FAM117B: variants seen among roughly 807,000 people sequenced by gnomAD.
FAM117B encodes protein FAM117B.
A neutral mutation model predicts 52.8 loss-of-function variants in FAM117B; 22 were observed. The ratio of observed to expected loss-of-function variants is 0.42; its 90% CI spans 0.30 to 0.59. FAM117B has a LOEUF of 0.59. Ranked by LOEUF, FAM117B falls within the 20% of genes least tolerant of loss-of-function variation. The probability of loss-of-function intolerance (pLI) is 0.22; values close to 1 mark genes in which losing one functional copy is unlikely to be tolerated. For missense variants in FAM117B, 678 were observed against 802.6 expected (o/e 0.84, Z 1.88); for synonymous variants, 309 against 324.1 (o/e 0.95, Z 0.50).
At chr2:202,747,360 C>A (rs1574302460) in intron 4 of FAM117B, among the ~76,000 whole-genome samples, 2 of 152,120 alleles carry the variant, frequency 1.3e-5, no homozygotes, top group East Asian at 3.8e-4. Context: ...CCTCTAAGAA[C>A]TGAAACACGA....
At chr2:202,683,297 C>T (rs762245638) in intron 1 of FAM117B, among the ~76,000 whole-genome samples, 5 of 152,224 alleles carry the variant, frequency 3.3e-5, no homozygotes, top group African/African-American at 4.8e-5. Flanking sequence ...CCACTACACT[C>T]CAGCTTGGGC....
At chr2:202,686,577 C>G (rs1303350672) in intron 1 of FAM117B, among the ~76,000 whole-genome samples, 1 of 152,074 alleles carries the variant, frequency 6.6e-6, no homozygotes, top group Admixed American at 6.6e-5. Context: ...TTTGAGAAGC[C>G]GAGGCGGATC....
chr2:202,638,798 C>T (rs1020678523), intron 1 of FAM117B, among the ~76,000 whole-genome samples: 5 of 152,070 alleles, frequency 3.3e-5, no homozygotes, highest in African/African-American at 4.8e-5. Flanking sequence ...AAAATAAAAA[C>T]TCTTATTTTT....
At chr2:202,649,542 A>G (rs1689925320) in intron 1 of FAM117B, among the ~76,000 whole-genome samples, 1 of 151,858 alleles carries the variant, frequency 6.6e-6, no homozygotes, top group Non-Finnish European at 1.5e-5. Flanking sequence ...TTTGTTATTT[A>G]TTTATTTATT....
At chr2:202,733,002 G>A (rs919861667) in intron 4 of FAM117B, among the ~76,000 whole-genome samples, 20 of 152,026 alleles carry the variant, frequency 1.3e-4, no homozygotes, top group Admixed American at 1.2e-3. Context: ...ATATTTCAAC[G>A]TAGGTTCTAT....
chr2:202,764,464 C>G lies in FAM117B; in HGVS notation c.1452-982C>G, dbSNP rs140634430. Among the ~76,000 whole-genome samples, 970 of 151,864 alleles carry G rather than the reference C, an allele frequency of 6.4e-3. 5 individuals are homozygous for G. The highest frequency in any genetic ancestry group is 9.7e-3 in the Non-Finnish European group (660 of 67,964). ...TTTAAGGTTTTTATAAAGACGAGGT[C>G]TCACTATGTTGCCCAGGCTGGTCTG... On this transcript the variant is annotated intron_variant, in intron 7 of 7. Coordinates refer to ENST00000392238, the MANE Select transcript of FAM117B (RefSeq NM_173511.4).
intron 4 of FAM117B, among the ~76,000 whole-genome samples, chr2:202,731,332 A>AATATATATATATATATATATATATAT (rs35255766): frequency 9.8e-5 from 3 of 30,768 alleles, no homozygotes; most frequent in Non-Finnish European, 2.1e-4. Context: ...GAGAAATTGG[A>AATATATATATATATATATATATATAT]ATATATATAT....
chr2:202,694,336 G>A (rs1290835863), intron 1 of FAM117B, among the ~76,000 whole-genome samples: 4 of 151,160 alleles, frequency 2.6e-5, no homozygotes, highest in Non-Finnish European at 4.4e-5. Flanking sequence ...GATTACAGGC[G>A]CCCGCCACCA....
chr2:202,732,189 C>T (rs1691363415), intron 4 of FAM117B, among the ~76,000 whole-genome samples: 1 of 152,058 alleles, frequency 6.6e-6, no homozygotes. Flanking sequence ...CCGCGCCTGG[C>T]TGGAACTTTG....
intron 4 of FAM117B, among the ~76,000 whole-genome samples, chr2:202,739,487 G>A (rs1559113169): frequency 1.8e-5 from 2 of 113,542 alleles, no homozygotes; most frequent in East Asian, 3.1e-4. Context: ...TTCCTTCCTA[G>A]GGTTTCACTC....
At chr2:202,649,286 C>A (rs1361196742) in intron 1 of FAM117B, among the ~76,000 whole-genome samples, 2 of 151,922 alleles carry the variant, frequency 1.3e-5, no homozygotes, top group Non-Finnish European at 2.9e-5. Flanking sequence ...AGAATGTCTC[C>A]TTCCCTCTCT....
chr2:202,670,074 CTGTT>C (rs1367525918), intron 1 of FAM117B, among the ~76,000 whole-genome samples: 1 of 152,092 alleles, frequency 6.6e-6, no homozygotes, highest in African/African-American at 2.4e-5. Flanking sequence ...TCATGTGGGT[CTGTT>C]TGTTAGCTTC....
intron 2 of FAM117B, among the ~76,000 whole-genome samples, chr2:202,696,469 C>G (rs1035295921): frequency 6.6e-6 from 1 of 152,124 alleles, no homozygotes; most frequent in South Asian, 2.1e-4. Context: ...GAATTTATGT[C>G]GGGCTGCATT....
chr2:202,725,315 T>G lies in FAM117B; in HGVS notation c.846+306T>G, dbSNP rs556343698. 300 of 193,660 alleles carry G rather than the reference T, an allele frequency of 1.5e-3. 2 individuals carry two copies. Among genetic ancestry groups the G allele is most frequent in the African/African-American group, 5.4e-3 (223 of 40,982 alleles). 12.0% of individuals were successfully genotyped at this position (193,660 alleles called of 1,614,324 possible). ...ACATTTATTCTTTTTTTTTTTTTTT[T>G]GGGGTGTGCATGTGTGTGTGTGAGA... On this transcript the variant is annotated intron_variant, in intron 3 of 7. Coordinates refer to ENST00000392238, the MANE Select transcript of FAM117B (RefSeq NM_173511.4).
At position 202,743,431 on chromosome 2, in the gene FAM117B, A is replaced by G. The variant is rs189813904; in HGVS notation, c.961-12107A>G. 5.8e-4 allele frequency among the ~76,000 whole-genome samples: 89 copies of G among 152,318 alleles called. 1 individual carries two copies. The highest frequency in any genetic ancestry group is 1.9e-3 in the South Asian group (9 of 4,820). Reference sequence around the variant, plus strand: ...AAAGCCAATTCAAAAAATTGGAGGAAGTGACTGTTATACTAAATGTACAAG... The same window carrying G: ...AAAGCCAATTCAAAAAATTGGAGGAGGTGACTGTTATACTAAATGTACAAG... On this transcript the variant is annotated intron_variant, in intron 4 of 7. Coordinates refer to ENST00000392238, the MANE Select transcript of FAM117B (RefSeq NM_173511.4).
chr2:202,761,641 C>T (rs776563720), intron 7 of FAM117B, among the ~76,000 whole-genome samples: 2 of 152,174 alleles, frequency 1.3e-5, no homozygotes, highest in Non-Finnish European at 2.9e-5. Flanking sequence ...ATTCTCCTGT[C>T]TCAGCCTCCC....
At chr2:202,712,419 CTTTTTTTTTTTT>C (rs1186703318) in intron 2 of FAM117B, among the ~76,000 whole-genome samples, 1 of 89,458 alleles carries the variant, frequency 1.1e-5, no homozygotes, top group Non-Finnish European at 2.1e-5. Context: ...TATCAGCTCT[CTTTTTTTTTTTT>C]TTTTTTTTTT....
At chr2:202,726,936 T>TA (rs946788320) in intron 4 of FAM117B, among the ~76,000 whole-genome samples, 14 of 151,720 alleles carry the variant, frequency 9.2e-5, no homozygotes, top group Admixed American at 7.9e-4. Flanking sequence ...AAGTATAATT[T>TA]AAAAAAATGT....
chr2:202,708,131 A>G (rs1031755548), intron 2 of FAM117B, among the ~76,000 whole-genome samples: 2 of 152,352 alleles, frequency 1.3e-5, no homozygotes, highest in South Asian at 4.1e-4. Flanking sequence ...CGTACAATAC[A>G]GTATAAATAT....
Sources: gnomAD v4.1 joint callset for allele counts (sites outside exome capture counted in the v4.1 genomes callset) on GRCh38, gnomAD v4.1.1 for gene constraint, MANE v1.5 for transcripts, NCBI Gene and HGNC (gene_info 2026-07-23, HGNC 2026-07-21) for gene names.